Variants in CADPS2 observed in about 807,000 individuals in gnomAD.
CADPS2 encodes the protein calcium dependent secretion activator 2, also known as calcium-dependent secretion activator 2.
In CADPS2, 93 loss-of-function variants were observed where a neutral mutation model predicts 172.5. The observed-to-expected ratio is 0.54, with a 90% CI of 0.46 to 0.64. The LOEUF (loss-of-function observed/expected upper bound fraction) is 0.64, where lower values mean the gene tolerates loss of function less well. Among genes scored for constraint, CADPS2 ranks in the 30% least tolerant of loss-of-function variants. The probability of loss-of-function intolerance (pLI) is 0.00; values close to 1 mark genes in which losing one functional copy is unlikely to be tolerated. For missense variants in CADPS2, 1,420 were observed against 1,565.9 expected (o/e 0.91, Z 1.57); for synonymous variants, 546 against 555.2 (o/e 0.98, Z 0.23).
intron 3 of CADPS2, among the ~76,000 whole-genome samples, chr7:122,638,590 G>A (rs1056580485): frequency 6.6e-6 from 1 of 152,168 alleles, no homozygotes. Flanking sequence ...GCCTGGGGGG[G>A]TCCCCACGGA....
chr7:122,490,303 A>G (rs1429432527), intron 10 of CADPS2, 22 bp from the exon 11 acceptor site: 2 of 1,604,590 alleles, frequency 1.2e-6, no homozygotes, highest in South Asian at 2.2e-5. Flanking sequence ...ACAAAAAGAC[A>G]TCATTAAAAA....
intron 8 of CADPS2, among the ~76,000 whole-genome samples, chr7:122,540,666 C>T (rs2062817417): frequency 6.6e-6 from 1 of 152,084 alleles, no homozygotes; most frequent in South Asian, 2.1e-4. Flanking sequence ...CATACCTCTT[C>T]CTGACAATTA....
chr7:122,875,086 T>A (rs1820853056), intron 1 of CADPS2, among the ~76,000 whole-genome samples: 1 of 152,210 alleles, frequency 6.6e-6, no homozygotes, highest in South Asian at 2.1e-4. Context: ...ATAATTTTCC[T>A]CAATACAAAG....
intron 1 of CADPS2, among the ~76,000 whole-genome samples, chr7:122,791,133 C>G (rs145401866): frequency 6.6e-6 from 1 of 151,966 alleles, no homozygotes; most frequent in South Asian, 2.1e-4. Flanking sequence ...ATCAACGGCG[C>G]GAGGAAAAGT....
intron 7 of CADPS2, among the ~76,000 whole-genome samples, chr7:122,564,625 T>A (rs1323736821): frequency 6.6e-6 from 1 of 151,916 alleles, no homozygotes; most frequent in Non-Finnish European, 1.5e-5. Context: ...CTTAAAGAAC[T>A]AAAAATAGAA....
chr7:122,638,960 C>T (rs1018361771), intron 3 of CADPS2, among the ~76,000 whole-genome samples: 2 of 152,210 alleles, frequency 1.3e-5, no homozygotes, highest in Non-Finnish European at 2.9e-5. Flanking sequence ...TCTAGTCTGC[C>T]ACCTTGAACC....
At chr7:122,496,941 A>C (rs1586635940) in intron 9 of CADPS2, among the ~76,000 whole-genome samples, 1 of 152,250 alleles carries the variant, frequency 6.6e-6, no homozygotes, top group East Asian at 1.9e-4. Context: ...CTCTCTGTGG[A>C]TTCTTCATGC....
chr7:122,875,699 A>G lies in CADPS2; in HGVS notation c.339+10300T>C, dbSNP rs181431827. Among the ~76,000 whole-genome samples the G allele has an allele frequency of 1.2e-4, 18 of 152,310 alleles. No individual in the cohort carries two copies. The East Asian group carries it at 1.5e-3, about 13-fold the overall frequency. On this transcript the variant is annotated intron_variant, in intron 1 of 29. Coordinates refer to ENST00000449022, the MANE Select transcript of CADPS2 (RefSeq NM_017954.11). ...ATTACTCTTCTGATTAAATATGTAA[A>G]TACTGGTTCAAGGAAAAAAGTAAAA...
Position 122,473,440 on chromosome 7 carries a change from C to T in CADPS2, c.1998+941G>A, listed in dbSNP as rs181931386. Among the ~76,000 whole-genome samples the T allele has an allele frequency of 2.1e-3, 327 of 152,252 alleles. 2 individuals carry two copies. The highest frequency in any genetic ancestry group is 7.2e-3 in the African/African-American group (299 of 41,564). ...AATTAGGCTAAGGTTTTTCTTTTAA[C>T]AAAGCTCAAAGGAAATTGATTTTGG... On this transcript the variant is annotated intron_variant, in intron 13 of 29. Transcript: ENST00000449022.
At chr7:122,589,991 C>T (rs184457237) in intron 6 of CADPS2, among the ~76,000 whole-genome samples, 1 of 151,972 alleles carries the variant, frequency 6.6e-6, no homozygotes, top group East Asian at 1.9e-4. Flanking sequence ...GTATACAGAA[C>T]TTATCCGTCA....
At position 122,319,957 on chromosome 7, in the gene CADPS2, A is replaced by T; in HGVS notation, c.*208T>A. 1 of 440,102 alleles carries T rather than the reference A, an allele frequency of 2.3e-6. No individual in the cohort carries two copies. Among genetic ancestry groups the T allele is most frequent in the Middle Eastern group, 6.1e-4 (1 of 1,648 alleles). 27.3% of individuals were successfully genotyped at this position (440,102 alleles called of 1,614,324 possible). On this transcript the variant is annotated 3_prime_UTR_variant, in exon 30 of 30. Transcript: ENST00000449022. ...AGGATGCTCTTCTCCAAAAAAACAAACAAACAAACAAACAAAAAAAGGAAA... is the reference window on the plus strand; with the variant it reads ...AGGATGCTCTTCTCCAAAAAAACAATCAAACAAACAAACAAAAAAAGGAAA...
At chr7:122,481,186 G>A (rs1387650592) in intron 11 of CADPS2, among the ~76,000 whole-genome samples, 1 of 39,912 alleles carries the variant, frequency 2.5e-5, no homozygotes, top group Non-Finnish European at 5.0e-5. Flanking sequence ...TTTTTTTTTT[G>A]ACGGAGTCTT....
At chr7:122,451,329 G>A (rs778243659) in intron 15 of CADPS2, 45 bp downstream of exon 15, 2 of 1,040,598 alleles carry the variant, frequency 1.9e-6, no homozygotes, top group Admixed American at 3.1e-5. Context: ...TAAGGGTTGA[G>A]TAAAGTATGA....
chr7:122,705,820 A>G lies in CADPS2; in HGVS notation c.453+31135T>C, dbSNP rs1588596468. 1.0e-4 allele frequency among the ~76,000 whole-genome samples: 2 copies of G among 19,228 alleles called. 1 individual carries two copies. Among genetic ancestry groups the G allele is most frequent in the South Asian group, 5.9e-3 (2 of 340 alleles). The allele number at this position is 19,228 out of a possible 152,430, so 12.6% of individuals were successfully genotyped here. A position where few individuals can be genotyped will look rare whatever the true frequency, so the allele number is the denominator to read the frequency against. On this transcript the variant is annotated intron_variant, in intron 2 of 29. Transcript: ENST00000449022. ...TAATATAATATATATGATATATAAT[A>G]ATATATATTTATATATAATATATAT... is the stretch of plus-strand genomic sequence containing the variant.
At chr7:122,636,568 C>A in intron 3 of CADPS2, among the ~76,000 whole-genome samples, 1 of 147,544 alleles carries the variant, frequency 6.8e-6, no homozygotes. Context: ...CAGGTTCAAG[C>A]AATTCTCCTG....
At chr7:122,702,270 T>G (rs184801351) in intron 2 of CADPS2, 33 of 1,613,862 alleles carry the variant, frequency 2.0e-5, no homozygotes, top group East Asian at 2.2e-5. Flanking sequence ...AAAATTTCCA[T>G]GCCTTTCAGG....
At chr7:122,383,450 TA>T (rs1450960331) in intron 24 of CADPS2, among the ~76,000 whole-genome samples, 1 of 152,072 alleles carries the variant, frequency 6.6e-6, no homozygotes, top group Non-Finnish European at 1.5e-5. Context: ...AGTTGAAATT[TA>T]AAAGAAGAAA....
At chr7:122,700,291 T>C (rs571026740) in intron 2 of CADPS2, among the ~76,000 whole-genome samples, 2 of 152,176 alleles carry the variant, frequency 1.3e-5, no homozygotes, top group East Asian at 3.9e-4. Flanking sequence ...TTACTTCTTA[T>C]GAAATGTAAA....
At chr7:122,828,572 T>G (rs1235736837) in intron 1 of CADPS2, among the ~76,000 whole-genome samples, 1 of 152,212 alleles carries the variant, frequency 6.6e-6, no homozygotes, top group Non-Finnish European at 1.5e-5. Flanking sequence ...CAAATATAAT[T>G]TATAAAAGTC....
Sources: gnomAD v4.1 joint callset for allele counts (sites outside exome capture counted in the v4.1 genomes callset) on GRCh38, gnomAD v4.1.1 for gene constraint, MANE v1.5 for transcripts, NCBI Gene and HGNC (gene_info 2026-07-23, HGNC 2026-07-21) for gene names.